MUC5B: variants seen among roughly 807,000 people sequenced by gnomAD.
MUC5B encodes the protein mucin 5B, oligomeric mucus/gel-forming.
A neutral mutation model predicts 376.9 loss-of-function variants in MUC5B; 116 were observed. The observed-to-expected ratio is 0.31, with a 90% confidence interval of 0.26 to 0.36. MUC5B has a LOEUF of 0.36. Among genes scored for constraint, MUC5B ranks in the 10% least tolerant of loss-of-function variants. The probability of loss-of-function intolerance (pLI) is 1.00; values close to 1 mark genes in which losing one functional copy is unlikely to be tolerated. For synonymous variants in MUC5B, 3,517 were observed against 3,390.9 expected, an observed-to-expected ratio of 1.04 and a Z score of -1.29; for missense variants, 7,165 against 7,769.9, an observed-to-expected ratio of 0.92 and a Z score of 2.93.
In MUC5B at chr11:1,247,322, C is replaced by A; in HGVS notation, c.10442C>A (p.Thr3481Asn). Residue 3481 changes from threonine (T) to asparagine (N), a missense_variant, in exon 31 of 49, where the codon ACC becomes AAC. Thr to Asn is a moderately conservative substitution (Grantham distance 65). Around this residue, in one of 31 missense-constraint regions of MUC5B, gnomAD observed 939 missense variants for 770.6 expected, o/e 1.22. Transcript: ENST00000529681. ...WTSATSGILG[T>N]THITEPSTVT... is the part of the protein sequence containing the mutation. Reference sequence around the variant, plus strand: ...TCGGCCACCTCGGGCATCTTGGGCACCACCCACATCACAGAGCCTTCCACG... The same window carrying A: ...TCGGCCACCTCGGGCATCTTGGGCAACACCCACATCACAGAGCCTTCCACG... 2 of 1,611,508 alleles carry A rather than the reference C, an allele frequency of 1.2e-6. No individual in the cohort carries two copies. Among genetic ancestry groups the A allele is most frequent in the Non-Finnish European group, 1.7e-6 (2 of 1,179,552 alleles).
Position 1,249,634 on chromosome 11 carries a change from G to A in MUC5B, c.12754G>A (p.Glu4252Lys), listed in dbSNP as rs200110733. 1.3e-4 allele frequency: 209 copies of A among 1,611,334 alleles called. 2 individuals carry two copies. The highest frequency in any genetic ancestry group is 1.1e-3 in the Admixed American group (64 of 59,910). Residue 4252 changes from glutamate to lysine, a missense_variant, in exon 31 of 49, where the codon GAG becomes AAG. Around this residue, in one of 31 missense-constraint regions of MUC5B, gnomAD observed 431 missense variants for 390.4 expected, o/e 1.10. Coordinates refer to ENST00000529681, the MANE Select transcript of MUC5B (RefSeq NM_002458.3). Reference sequence around the variant, plus strand: ...TCCGGGGACGACCTGGATCCTCACAGAGCTGACCACAACAGCCACTACGAC... The same window carrying A: ...TCCGGGGACGACCTGGATCCTCACAAAGCTGACCACAACAGCCACTACGAC... Reference protein sequence around the residue: ...STPGTTWILTELTTTATTTAS... With the variant: ...STPGTTWILTKLTTTATTTAS...
rs369656046 is a variant in MUC5B at position 1,242,726 on chromosome 11, C to A, written c.5846C>A (p.Thr1949Asn). The change falls in exon 31 of 49, where the codon ACC becomes AAC. Residue 1949 changes from threonine to asparagine, a missense_variant. Around this residue, in one of 31 missense-constraint regions of MUC5B, gnomAD observed 897 missense variants for 779.6 expected, o/e 1.15. Coordinates refer to ENST00000529681, the MANE Select transcript of MUC5B (RefSeq NM_002458.3). The stretch of plus-strand genomic sequence containing the variant: ...ACCACGGCCACCACACCCACAGTCA[C>A]CAGCTCCAAAGCCACTCCCTCCTCC... ...LTTTATTPTV[T>N]SSKATPSSSP... 1.2e-6 allele frequency: 2 copies of A among 1,613,494 alleles called. No individual in the cohort carries two copies. The highest frequency in any genetic ancestry group is 1.3e-5 in the African/African-American group (1 of 74,942).
rs199943848 is a variant in MUC5B at position 1,251,324 on chromosome 11, C to T, written c.14444C>T (p.Thr4815Met). ...GCCACACCCTCCTCCACTCTGGGGA[C>T]GACCCGGATCCTCACTGAGCTGACC... is the stretch of plus-strand genomic sequence containing the variant. Reference protein sequence around the residue: ...STATPSSTLGTTRILTELTTT... With the variant: ...STATPSSTLGMTRILTELTTT... Residue 4815 changes from threonine to methionine, a missense_variant, in exon 31 of 49, where the codon ACG (threonine) becomes ATG (methionine). This residue lies in a region of MUC5B where 730 missense variants were observed against 592.7 expected (regional missense o/e 1.23). Transcript: ENST00000529681. The T allele has an allele frequency of 1.5e-4, 236 of 1,610,922 alleles. 17 individuals carry two copies. Among genetic ancestry groups the T allele is most frequent in the Middle Eastern group, 1.6e-4 (1 of 6,062 alleles).
rs746564320 is a variant in MUC5B, at chr11:1,251,184, C to T, written c.14304C>T (p.Thr4768=). Residue 4768 remains threonine (T), a synonymous_variant, in exon 31 of 49, where the codon ACC becomes ACT. Transcript: ENST00000529681. ...CCACGTGGACCGTCCCAGCACAGAC[C>T]ACCACACCCATGTCCACCATGTCCA... is the stretch of plus-strand genomic sequence containing the variant. ...LWTTWTVPAQ[T]TTPMSTMSTI... The T allele has an allele frequency of 4.3e-6, 7 of 1,611,348 alleles. No individual in the cohort carries two copies. The Admixed American group carries it at 5.0e-5, about 12-fold the overall frequency.
Position 1,231,170 on chromosome 11 carries a change from G to T in MUC5B, c.1540+165G>T, listed in dbSNP as rs550577707. Among the ~76,000 whole-genome samples the T allele has an allele frequency of 9.2e-5, 14 of 152,254 alleles. No individual in the cohort carries two copies. In the South Asian group the frequency reaches 2.9e-3, roughly 32 times the overall value. The stretch of plus-strand genomic sequence containing the variant: ...CTCGTCTGCAGAGTGGGGATGCCAG[G>T]CTCCCACCCCGGCAGCGGCAGGGAC... On this transcript the variant is annotated intron_variant, in intron 13 of 48. Coordinates refer to ENST00000529681, the MANE Select transcript of MUC5B (RefSeq NM_002458.3).
chr11:1,261,972 C>T lies in MUC5B; in HGVS notation c.*364C>T, dbSNP rs1374971617. ...ACGGATTCCAGCTGGCCACGTCCGGCCGCTGGGGCAGACAGGCTGGTCCAG... is the reference window on the plus strand; with the variant it reads ...ACGGATTCCAGCTGGCCACGTCCGGTCGCTGGGGCAGACAGGCTGGTCCAG... On this transcript the variant is annotated 3_prime_UTR_variant, in exon 49 of 49. Coordinates refer to ENST00000529681, the MANE Select transcript of MUC5B (RefSeq NM_002458.3). 1 of 497,310 alleles carries T rather than the reference C, an allele frequency of 2.0e-6. No individual in the cohort carries two copies. The highest frequency in any genetic ancestry group is 4.0e-6 in the Non-Finnish European group (1 of 252,644). The allele number at this position is 497,310 out of a possible 1,614,324, so 30.8% of individuals were successfully genotyped here.
rs1320311730 is a variant in MUC5B at position 1,253,591 on chromosome 11, C to T, written c.15218-501C>T. On this transcript the variant is annotated intron_variant, in intron 33 of 48. Transcript: ENST00000529681. The surrounding 1 kb of genome is among the most constrained non-coding windows in gnomAD (Gnocchi z 4.3). Reference sequence around the variant, plus strand: ...CAGAAACCCACTCTCCGTCCTGGAGCTGGAAGTCTGAGATCCAGGCGGGCA... The same window carrying T: ...CAGAAACCCACTCTCCGTCCTGGAGTTGGAAGTCTGAGATCCAGGCGGGCA... 6.6e-6 allele frequency among the ~76,000 whole-genome samples: 1 copy of T among 152,224 alleles called. No individual in the cohort carries two copies. Among genetic ancestry groups the T allele is most frequent in the African/African-American group, 2.4e-5 (1 of 41,458 alleles).
rs1055975763 is a variant in MUC5B, at chr11:1,239,623, T to C, written c.3583+57T>C. On this transcript the variant is annotated intron_variant, in intron 27 of 48. Transcript: ENST00000529681. ...CTCTCCTTGGGTTCCCGAGTGTACG[T>C]GGGGGGGCGGGGATCCCCAGGGACG... The C allele has an allele frequency of 1.3e-5, 20 of 1,525,450 alleles. No homozygotes were observed. In the African/African-American group the frequency reaches 2.5e-4, roughly 19 times the overall value. 94.5% of individuals were successfully genotyped at this position (1,525,450 alleles called of 1,614,324 possible).
chr11:1,251,117 C>T lies in MUC5B; in HGVS notation c.14237C>T (p.Thr4746Ile). 2 of 1,611,394 alleles carry T rather than the reference C, an allele frequency of 1.2e-6. No homozygotes were observed. The highest frequency in any genetic ancestry group is 1.7e-6 in the Non-Finnish European group (2 of 1,178,292). The change falls in exon 31 of 49, where the codon ACA becomes ATA. Residue 4746 changes from threonine to isoleucine, a missense_variant. This residue lies in a region of MUC5B where 730 missense variants were observed against 592.7 expected (regional missense o/e 1.23). Transcript: ENST00000529681. ...PVLTSTATKSTATSFTPIPSS... is the reference protein window; with the variant it reads ...PVLTSTATKSIATSFTPIPSS... ...CTGACAAGCACAGCCACAAAATCCA[C>T]AGCTACCAGCTTTACACCCATCCCC...
chr11:1,257,837 C>A lies in MUC5B; in HGVS notation c.16450+127C>A. The A allele has an allele frequency of 8.5e-7, 1 of 1,174,110 alleles. No individual in the cohort carries two copies. The highest frequency in any genetic ancestry group is 1.6e-5 in the South Asian group (1 of 63,532). The allele number at this position is 1,174,110 out of a possible 1,614,324, so 72.7% of individuals were successfully genotyped here. A position where few individuals can be genotyped will look rare whatever the true frequency, so the allele number is the denominator to read the frequency against. ...CCACTGTGTCCTGGCGTGACCGCGG[C>A]AGGACCACTCGGCAGAGATGGCCTC... On this transcript the variant is annotated intron_variant, in intron 41 of 48. Transcript: ENST00000529681. This position sits in a 1 kb window ranked among gnomAD's most constrained non-coding sequence, Gnocchi z 8.9.
intron 12 of MUC5B, 109 bp downstream of exon 12, chr11:1,230,709 C>G (rs570247307): frequency 1.9e-6 from 2 of 1,035,434 alleles, no homozygotes; most frequent in Non-Finnish European, 2.8e-6. Context: ...GGTCCCCCCT[C>G]CAGCCCCCAG....
Position 1,243,909 on chromosome 11 carries a change from C to A in MUC5B, c.7029C>A (p.Asn2343Lys). The A allele has an allele frequency of 6.3e-7, 1 of 1,598,962 alleles. No homozygotes were observed. Among genetic ancestry groups the A allele is most frequent in the East Asian group, 2.2e-5 (1 of 44,800 alleles). The change falls in exon 31 of 49, where the codon AAC becomes AAA. Residue 2343 changes from asparagine (N) to lysine (K), a missense_variant. Around this residue, in one of 31 missense-constraint regions of MUC5B, gnomAD observed 25 missense variants for 103.9 expected, o/e 0.24. Transcript: ENST00000529681. The part of the protein sequence containing the change: ...PSGGDFDTYS[N>K]IRAAGGAVCE... The stretch of plus-strand genomic sequence containing the variant: ...GCGGGGACTTTGACACCTACTCCAA[C>A]ATCCGTGCGGCCGGAGGGGCCGTCT...
intron 1 of MUC5B, chr11:1,223,428 C>T (rs1439047645): frequency 3.1e-6 from 2 of 653,828 alleles, no homozygotes; most frequent in Non-Finnish European, 5.6e-6. Flanking sequence ...GAAGGTGGGC[C>T]CCTGACCGCA....
At chr11:1,256,482 ATACTTAG>A in intron 38 of MUC5B, 182 bp from the exon 39 acceptor site, 1 of 35,554 alleles carries the variant, frequency 2.8e-5, no homozygotes. Flanking sequence ...ATCCCCGCCC[ATACTTAG>A]CCCCGCCCAC....
At position 1,240,286 on chromosome 11, in the gene MUC5B, C is replaced by A; in HGVS notation, c.3881C>A (p.Thr1294Asn). The change falls in exon 30 of 49, where the codon ACC becomes AAC. Residue 1294 changes from threonine (T) to asparagine (N), a missense_variant. Thr to Asn is a moderately conservative substitution (Grantham distance 65). Around this residue, in one of 31 missense-constraint regions of MUC5B, gnomAD observed 517 missense variants for 545.3 expected, o/e 0.95. Coordinates refer to ENST00000529681, the MANE Select transcript of MUC5B (RefSeq NM_002458.3). ...ATCGCCATCTGCGGAAGCAACGGCACCATCATCAGGAAGGCTGTGGCATGT... is the reference window on the plus strand; with the variant it reads ...ATCGCCATCTGCGGAAGCAACGGCAACATCATCAGGAAGGCTGTGGCATGT... ...CLIAICGSNG[T>N]IIRKAVACPG... is the part of the protein sequence containing the mutation. 6.2e-7 allele frequency: 1 copy of A among 1,613,732 alleles called. No homozygotes were observed. Among genetic ancestry groups the A allele is most frequent in the South Asian group, 1.1e-5 (1 of 91,082 alleles).
chr11:1,245,115 C>G lies in MUC5B; in HGVS notation c.8235C>G (p.Pro2745=). 1 of 1,538,942 alleles carries G rather than the reference C, an allele frequency of 6.5e-7. No individual in the cohort carries two copies. Among genetic ancestry groups the G allele is most frequent in the South Asian group, 1.2e-5 (1 of 84,372 alleles). Residue 2745 remains proline, a synonymous_variant, in exon 31 of 49, where the codon CCC becomes CCG. Transcript: ENST00000529681. Reference sequence around the variant, plus strand: ...CTGCCCTAGGGACCACCCACACACCCCCAGTGCCGAACACCACGGCCACCA... The same window carrying G: ...CTGCCCTAGGGACCACCCACACACCGCCAGTGCCGAACACCACGGCCACCA... ...PSSALGTTHT[P]PVPNTTATTH...
At chr11:1,231,388 A>G in intron 13 of MUC5B, 35 bp from the exon 14 acceptor site, 4 of 1,585,202 alleles carry the variant, frequency 2.5e-6, no homozygotes, top group Non-Finnish European at 3.4e-6. Flanking sequence ...CTGTCCCTGC[A>G]CCCCTGACCG....
intron 5 of MUC5B, 74 bp downstream of exon 5, chr11:1,227,219 C>T: frequency 6.3e-7 from 1 of 1,576,782 alleles, no homozygotes; most frequent in Non-Finnish European, 8.7e-7. Flanking sequence ...AGGGATGCCT[C>T]CCTGGGCTTG....
In MUC5B at chr11:1,244,563, C is replaced by T. The variant is rs749450037; in HGVS notation, c.7683C>T (p.Thr2561=). The T allele has an allele frequency of 1.9e-6, 3 of 1,613,142 alleles. No individual in the cohort carries two copies. The South Asian group carries it at 3.3e-5, about 18-fold the overall frequency. Residue 2561 remains threonine, a synonymous_variant, in exon 31 of 49, where the codon ACC becomes ACT. Coordinates refer to ENST00000529681, the MANE Select transcript of MUC5B (RefSeq NM_002458.3). ...CACAGACCACCACACCCACGGCCAC[C>T]ATGTCCACAGCCACACCCTCCTCCA... The part of the protein sequence containing the change: ...RLSQTTTPTA[T]MSTATPSSTP...
Sources: allele counts gnomAD v4.1 joint callset (sites outside exome capture counted in the v4.1 genomes callset), GRCh38; gene constraint gnomAD v4.1.1; regional missense constraint gnomAD v4.1.1; non-coding constraint Gnocchi (gnomAD v3.1); transcripts MANE v1.5; gene names NCBI Gene and HGNC (gene_info 2026-07-23, HGNC 2026-07-21).